Variants in MIS18A observed in about 807,000 individuals in gnomAD.
MIS18A encodes MIS18 kinetochore protein A.
In MIS18A, 14 loss-of-function variants were observed where a neutral mutation model predicts 25.0. That is an observed-to-expected ratio of 0.56 (90% CI 0.37 to 0.88). The LOEUF (loss-of-function observed/expected upper bound fraction) is 0.88, where lower values mean the gene tolerates loss of function less well. Among genes scored for constraint, MIS18A ranks in the 40% least tolerant of loss-of-function variants. The pLI is 0.00. For missense variants in MIS18A, 292 were observed against 290.8 expected, an observed-to-expected ratio of 1.00 and a Z score of -0.03; for synonymous variants, 134 against 118.6, an observed-to-expected ratio of 1.13 and a Z score of -0.84.
chr21:32,186,618 A>G, the MIS18A span, among the ~76,000 whole-genome samples: 3 of 152,230 alleles, frequency 2.0e-5, no homozygotes, highest in Non-Finnish European at 4.4e-5. Context: ...ATACATCTAC[A>G]ACTAGCTTGT....
the MIS18A span, among the ~76,000 whole-genome samples, chr21:32,185,164 C>A: frequency 3.9e-5 from 6 of 152,134 alleles, no homozygotes; most frequent in Non-Finnish European, 7.4e-5. Context: ...CTCCACTGCT[C>A]CCTGCACACT....
the MIS18A span, among the ~76,000 whole-genome samples, chr21:32,160,504 C>T: frequency 6.6e-6 from 1 of 151,906 alleles, no homozygotes; most frequent in Non-Finnish European, 1.5e-5. Context: ...GGTCAGAGCA[C>T]AGTTTGGTTT....
At chr21:32,269,628 G>A (rs2031675482) in intron 4 of MIS18A, 79 bp downstream of exon 4, 2 of 816,874 alleles carry the variant, frequency 2.4e-6, no homozygotes, top group South Asian at 1.6e-5. Flanking sequence ...GACGTTATGA[G>A]AATTATCGTT....
the MIS18A span, among the ~76,000 whole-genome samples, chr21:32,184,240 G>A: frequency 0.55 from 82,933 of 152,072 alleles, 23,442 homozygotes; most frequent in African/African-American, 0.69. Flanking sequence ...TTGCTTGTTT[G>A]GCCGCCTACT....
the MIS18A span, among the ~76,000 whole-genome samples, chr21:32,235,242 T>C: frequency 6.6e-6 from 1 of 152,170 alleles, no homozygotes; most frequent in Non-Finnish European, 1.5e-5. Context: ...AATTGGAGGA[T>C]CTTCACCTGA....
chr21:32,264,304 A>G (rs1249827599), downstream of MIS18A, among the ~76,000 whole-genome samples: 1 of 151,988 alleles, frequency 6.6e-6, no homozygotes, highest in African/African-American at 2.4e-5. Context: ...GCTTTTTTCT[A>G]TTTTTCAGAT....
chr21:32,241,877 T>TTTG, the MIS18A span, among the ~76,000 whole-genome samples: 37 of 137,930 alleles, frequency 2.7e-4, no homozygotes, highest in East Asian at 6.6e-4. Flanking sequence ...TTTTGGGTTT[T>TTTG]TTGTTGTTGT....
At chr21:32,256,461 A>G in the MIS18A span, among the ~76,000 whole-genome samples, 3 of 152,060 alleles carry the variant, frequency 2.0e-5, no homozygotes, top group African/African-American at 7.2e-5. Context: ...CCTTTGTTCA[A>G]TGGCTCTCTA....
At chr21:32,202,815 T>C in the MIS18A span, among the ~76,000 whole-genome samples, 3 of 152,204 alleles carry the variant, frequency 2.0e-5, no homozygotes, top group African/African-American at 7.2e-5. Context: ...ATTTTCTTCC[T>C]TTTAAGGCTG....
chr21:32,273,889 T>G (rs911398851), intron 2 of MIS18A, among the ~76,000 whole-genome samples: 1 of 152,202 alleles, frequency 6.6e-6, no homozygotes, highest in Non-Finnish European at 1.5e-5. Context: ...CAGTTTACAT[T>G]TGCAGCAACA....
the MIS18A span, among the ~76,000 whole-genome samples, chr21:32,251,268 G>A: frequency 6.6e-6 from 1 of 152,144 alleles, no homozygotes; most frequent in African/African-American, 2.4e-5. Flanking sequence ...CTGCATGAAA[G>A]CAGCCTTGAG....
chr21:32,235,980 A>G, the MIS18A span, among the ~76,000 whole-genome samples: 1 of 152,208 alleles, frequency 6.6e-6, no homozygotes, highest in Non-Finnish European at 1.5e-5. Context: ...TGCAAGTGGC[A>G]TCAGAGAACT....
chr21:32,191,940 AAAAG>A, the MIS18A span, among the ~76,000 whole-genome samples: 1 of 152,064 alleles, frequency 6.6e-6, no homozygotes, highest in African/African-American at 2.4e-5. Flanking sequence ...AGAAGAAAGA[AAAAG>A]AAAGAAAGAA....
At chr21:32,271,040 T>C (rs536278235) in intron 2 of MIS18A, among the ~76,000 whole-genome samples, 1 of 152,232 alleles carries the variant, frequency 6.6e-6, no homozygotes, top group Admixed American at 6.5e-5. Flanking sequence ...AAAAAAAAAG[T>C]CTCTAAAGTT....
the MIS18A span, among the ~76,000 whole-genome samples, chr21:32,173,079 A>AG: frequency 2.5e-5 from 1 of 39,238 alleles, no homozygotes; most frequent in Non-Finnish European, 4.3e-5. Context: ...TTATGACACC[A>AG]AAGCATAACA....
At chr21:32,164,806 C>A in the MIS18A span, among the ~76,000 whole-genome samples, 1 of 152,054 alleles carries the variant, frequency 6.6e-6, no homozygotes, top group Non-Finnish European at 1.5e-5. Flanking sequence ...AGGTAAAAAA[C>A]AAATCCCCAG....
At chr21:32,275,243 T>A (rs573227515) in intron 1 of MIS18A, among the ~76,000 whole-genome samples, 2 of 152,082 alleles carry the variant, frequency 1.3e-5, no homozygotes, top group African/African-American at 2.4e-5. Context: ...TTAAGAAAAA[T>A]TTTAAAAGGT....
chr21:32,237,021 C>T, the MIS18A span, among the ~76,000 whole-genome samples: 1 of 152,064 alleles, frequency 6.6e-6, no homozygotes, highest in South Asian at 2.1e-4. Context: ...TACTGTTCCC[C>T]CAAATTCTAC....
chr21:32,252,203 G>GAGAAGAAGAAGA, the MIS18A span, among the ~76,000 whole-genome samples: 17 of 119,286 alleles, frequency 1.4e-4, no homozygotes, highest in East Asian at 1.0e-3. Context: ...GGAAGAGGAG[G>GAGAAGAAGAAGA]AGAAGAAGAA....
Sources: gnomAD v4.1 joint callset for allele counts (sites outside exome capture counted in the v4.1 genomes callset) on GRCh38, gnomAD v4.1.1 for gene constraint, MANE v1.5 for transcripts, NCBI Gene and HGNC (gene_info 2026-07-23, HGNC 2026-07-21) for gene names.